GMIP: variants seen among roughly 807,000 people sequenced by gnomAD.
GMIP encodes the protein GEM interacting protein, also known as GEM-interacting protein.
GMIP carries 54 observed loss-of-function variants against 105.3 expected under a neutral mutation model. The ratio of observed to expected loss-of-function variants is 0.51; its 90% confidence interval spans 0.41 to 0.64. The LOEUF is 0.64. Ranked by LOEUF, GMIP falls within the 30% of genes least tolerant of loss-of-function variation. The probability of loss-of-function intolerance (pLI) is 0.00; values close to 1 mark genes in which losing one functional copy is unlikely to be tolerated. For synonymous variants in GMIP, 541 were observed against 560.8 expected (o/e 0.96, Z 0.50); for missense variants, 1,110 against 1,319.4 (o/e 0.84, Z 2.46).
rs781454004 is a variant in GMIP at position 19,633,909 on chromosome 19, G to A, written c.2366C>T (p.Pro789Leu). 13 of 1,532,246 alleles carry A rather than the reference G, an allele frequency of 8.5e-6. No homozygotes were observed. The South Asian group carries it at 9.9e-5, about 12-fold the overall frequency. 94.9% of individuals were successfully genotyped at this position (1,532,246 alleles called of 1,614,324 possible). A position where few individuals can be genotyped will look rare whatever the true frequency, so the allele number is the denominator to read the frequency against. Reference protein sequence around the residue: ...PLTTSSQPPPPHLDPDSQPPV... With the variant: ...PLTTSSQPPPLHLDPDSQPPV... ...GGGCTGGGAGTCTGGGTCAAGGTGC[G>A]GGGGTGGCGGTTGGGAGCTGGTTGT... is the stretch of plus-strand genomic sequence containing the variant. The change falls in exon 19 of 21, where the codon CCG becomes CTG. Residue 789 changes from proline (P) to leucine (L), a missense_variant. Physicochemically the swap from Pro to Leu is moderately conservative, Grantham distance 98 (BLOSUM62 -3). Around this residue, in one of 3 missense-constraint regions of GMIP, gnomAD observed 394 missense variants for 450.5 expected, o/e 0.87. Transcript: ENST00000203556.
Position 19,637,663 on chromosome 19 carries a change from T to A in GMIP, c.928-102A>T, listed in dbSNP as rs1599411161. On this transcript the variant is annotated intron_variant, in intron 10 of 20. Coordinates refer to ENST00000203556, the MANE Select transcript of GMIP (RefSeq NM_016573.4). This position sits in a 1 kb window ranked among gnomAD's most constrained non-coding sequence, Gnocchi z 6.7. ...TTGAGAGACGCGAACGTGGTCAGGGTTTGGGACGCACCTGGGCGGCTTAGG... is the reference window on the plus strand; with the variant it reads ...TTGAGAGACGCGAACGTGGTCAGGGATTGGGACGCACCTGGGCGGCTTAGG... 10 of 1,026,096 alleles carry A rather than the reference T, an allele frequency of 9.7e-6. No individual in the cohort carries two copies. The East Asian group carries it at 2.8e-4, about 29-fold the overall frequency. 63.6% of individuals were successfully genotyped at this position (1,026,096 alleles called of 1,614,324 possible).
chr19:19,638,445 C>T lies in GMIP; in HGVS notation c.575G>A (p.Arg192Gln), dbSNP rs923039074. 1.9e-6 allele frequency: 3 copies of T among 1,614,146 alleles called. No homozygotes were observed. Among genetic ancestry groups the T allele is most frequent in the Non-Finnish European group, 1.7e-6 (2 of 1,180,022 alleles). The change falls in exon 8 of 21, where the codon CGG (arginine) becomes CAG (glutamine). Residue 192 changes from arginine to glutamine, a missense_variant. Physicochemically the swap from Arg to Gln is conservative, Grantham distance 43. Around this residue, in one of 3 missense-constraint regions of GMIP, gnomAD observed 667 missense variants for 773.2 expected, o/e 0.86. Coordinates refer to ENST00000203556, the MANE Select transcript of GMIP (RefSeq NM_016573.4). ...CATCCACTGCTCCTTGAACTCCTTC[C>T]GCCACTTCTCAATCTCAGTCCGTTT... ...AAKRTEIEKW[R>Q]KEFKEQWMKE...
intron 2 of GMIP, among the ~76,000 whole-genome samples, chr19:19,642,305 G>T (rs2061931053): frequency 6.6e-6 from 1 of 152,060 alleles, no homozygotes; most frequent in East Asian, 1.9e-4. Flanking sequence ...ATTTTAAGGG[G>T]TTACAAGGAT....
At chr19:19,640,973 G>C (rs138924484) in intron 4 of GMIP, among the ~76,000 whole-genome samples, 11,241 of 151,612 alleles carry the variant, frequency 0.074, 482 homozygotes, top group Middle Eastern at 0.2. Flanking sequence ...CTCTATGTTG[G>C]TCAGGCTGGT....
Position 19,635,091 on chromosome 19 carries a change from C to T in GMIP, c.1683G>A (p.Pro561=), listed in dbSNP as rs546665082. The T allele has an allele frequency of 1.2e-4, 198 of 1,614,040 alleles. No individual in the cohort carries two copies. Among genetic ancestry groups the T allele is most frequent in the Non-Finnish European group, 1.6e-4 (183 of 1,180,002 alleles). The change falls in exon 16 of 21, where the codon CCG becomes CCA. Residue 561 remains proline (P), a synonymous_variant. Coordinates refer to ENST00000203556, the MANE Select transcript of GMIP (RefSeq NM_016573.4). The surrounding 1 kb of genome is among the most constrained non-coding windows in gnomAD (Gnocchi z 4.7). ...TCGTGACCACAAAGGGTACCTCCTC[C>T]GGGAAGTCCCTGGGTAGCTGCAGGA... ...VDFLQLPRDF[P]EEVPFVVTKC... is the part of the protein sequence containing the mutation.
chr19:19,641,077 G>A (rs1457467434), intron 4 of GMIP, among the ~76,000 whole-genome samples: 2 of 147,810 alleles, frequency 1.4e-5, no homozygotes, highest in Non-Finnish European at 3.0e-5. Context: ...TGTGTTTGAT[G>A]GGTTTTTTTA....
intron 4 of GMIP, 113 bp from the exon 5 acceptor site, chr19:19,640,684 A>C: frequency 9.8e-7 from 1 of 1,017,416 alleles, no homozygotes; most frequent in Non-Finnish European, 1.5e-6. Context: ...CAGCTCCCCA[A>C]ACACTACTTT....
intron 19 of GMIP, among the ~76,000 whole-genome samples, chr19:19,631,085 C>T (rs1183219789): frequency 6.6e-6 from 1 of 152,094 alleles, no homozygotes; most frequent in Non-Finnish European, 1.5e-5. Context: ...CCTGTAATCC[C>T]AGCTACTAGG....
Position 19,634,763 on chromosome 19 carries a change from G to A in GMIP, c.1887+29C>T, listed in dbSNP as rs1036735824. On this transcript the variant is annotated intron_variant, in intron 17 of 20. Coordinates refer to ENST00000203556, the MANE Select transcript of GMIP (RefSeq NM_016573.4). The surrounding 1 kb of genome is among the most constrained non-coding windows in gnomAD (Gnocchi z 6.1). ...GGTGGGCTGTGGAGGGCTCCTGCCC[G>A]CGTCCCCCTCAGTGTCCTGAGCACC... 4.3e-6 allele frequency: 7 copies of A among 1,611,878 alleles called. No homozygotes were observed. Among genetic ancestry groups the A allele is most frequent in the Non-Finnish European group, 1.7e-6 (2 of 1,178,642 alleles).
intron 19 of GMIP, among the ~76,000 whole-genome samples, chr19:19,632,435 G>A (rs1436181419): frequency 6.6e-6 from 1 of 152,072 alleles, no homozygotes; most frequent in Non-Finnish European, 1.5e-5. Context: ...CCTTGTCTCT[G>A]AGGCATTAGA....
Position 19,635,144 on chromosome 19 carries a change from C to A in GMIP, c.1630G>T (p.Ala544Ser). ...TCAACCCCAAAAAGGGGTGTCCGGG[C>A]TGGGAGCCGCCTGTGTCCACAGAGG... ...LILCGHRRLP[A>S]RTPLFGVDFL... Residue 544 changes from alanine (A) to serine (S), a missense_variant, in exon 16 of 21, where the codon GCC (alanine) becomes TCC (serine). By Grantham distance (99) the Ala-to-Ser change is moderately conservative. Coordinates refer to ENST00000203556, the MANE Select transcript of GMIP (RefSeq NM_016573.4). This position sits in a 1 kb window ranked among gnomAD's most constrained non-coding sequence, Gnocchi z 4.7. 6.2e-7 allele frequency: 1 copy of A among 1,613,918 alleles called. No individual in the cohort carries two copies. The highest frequency in any genetic ancestry group is 8.5e-7 in the Non-Finnish European group (1 of 1,179,886).
intron 1 of GMIP, 81 bp downstream of exon 1, chr19:19,643,430 G>A (rs978998698): frequency 1.2e-5 from 16 of 1,288,122 alleles, no homozygotes; most frequent in South Asian, 2.6e-5. Flanking sequence ...CTCTCAGGAC[G>A]GAGCGGGACA....
At chr19:19,638,355 TC>T in intron 8 of GMIP, 26 bp from the exon 9 acceptor site, 1 of 1,614,110 alleles carries the variant, frequency 6.2e-7, no homozygotes, top group Non-Finnish European at 8.5e-7. Context: ...AAGGTCAGCG[TC>T]CCGGCCTCTC....
At position 19,638,045 on chromosome 19, in the gene GMIP, C is replaced by T; in HGVS notation, c.802G>A (p.Glu268Lys). The T allele has an allele frequency of 1.9e-6, 3 of 1,571,512 alleles. No homozygotes were observed. The highest frequency in any genetic ancestry group is 2.6e-6 in the Non-Finnish European group (3 of 1,160,318). The stretch of plus-strand genomic sequence containing the variant: ...CGGACACAGGCCTGGTACAGCGCCT[C>T]GGCCTCCTGCGCCTGGGGAAACGGG... ...EEAQAKAQEA[E>K]ALYQACVREA... The change falls in exon 10 of 21, where the codon GAG (glutamate) becomes AAG (lysine). Residue 268 changes from glutamate (E) to lysine (K), a missense_variant. This residue lies in a region of GMIP where 667 missense variants were observed against 773.2 expected (regional missense o/e 0.86). Transcript: ENST00000203556.
Position 19,637,033 on chromosome 19 carries a change from A to G in GMIP, c.1125-4T>C. 1 of 1,544,070 alleles carries G rather than the reference A, an allele frequency of 6.5e-7. No individual in the cohort carries two copies. On this transcript the variant is annotated splice_region_variant and splice_polypyrimidine_tract_variant and intron_variant, in intron 11 of 20. Transcript: ENST00000203556. The surrounding 1 kb of genome is among the most constrained non-coding windows in gnomAD (Gnocchi z 6.7). ...CTTTCTGATGTCCAGAGGGGAGCTG[A>G]GAAGACAGAAGTTTGAAGGTTTGAA...
At chr19:19,632,542 A>G (rs1480891641) in intron 19 of GMIP, among the ~76,000 whole-genome samples, 1 of 152,206 alleles carries the variant, frequency 6.6e-6, no homozygotes, top group Admixed American at 6.5e-5. Flanking sequence ...CCAAAAAAAA[A>G]TAAAAGATTC....
Position 19,629,934 on chromosome 19 carries a change from C to T in GMIP, c.*29G>A, listed in dbSNP as rs912968900. 5 of 1,593,616 alleles carry T rather than the reference C, an allele frequency of 3.1e-6. No homozygotes were observed. The highest frequency in any genetic ancestry group is 1.7e-4 in the Middle Eastern group (1 of 5,748). ...TATGGGTCCGTCTTCACAATCTGGG[C>T]CTCTTCCTTATTTAAGGTGCCAGGG... On this transcript the variant is annotated 3_prime_UTR_variant, in exon 21 of 21. Transcript: ENST00000203556.
intron 13 of GMIP, 52 bp downstream of exon 13, chr19:19,636,655 C>T: frequency 7.5e-7 from 1 of 1,336,824 alleles, no homozygotes; most frequent in Non-Finnish European, 1.1e-6. Flanking sequence ...TGGCCAGGGG[C>T]TGGAGGATGG....
Position 19,637,265 on chromosome 19 carries a change from G to C in GMIP, c.1124+100C>G. On this transcript the variant is annotated intron_variant, in intron 11 of 20. Transcript: ENST00000203556. This position sits in a 1 kb window ranked among gnomAD's most constrained non-coding sequence, Gnocchi z 6.7. ...AGCCTGGAGTACTAAATTCCACTAA[G>C]GCTTTGCGTTCTCTAACCTCGAGTA... 1.2e-6 allele frequency: 1 copy of C among 867,382 alleles called. No individual in the cohort carries two copies. 53.7% of individuals were successfully genotyped at this position (867,382 alleles called of 1,614,324 possible).
Sources: allele counts gnomAD v4.1 joint callset (sites outside exome capture counted in the v4.1 genomes callset), GRCh38; gene constraint gnomAD v4.1.1; regional missense constraint gnomAD v4.1.1; non-coding constraint Gnocchi (gnomAD v3.1); transcripts MANE v1.5; gene names NCBI Gene and HGNC (gene_info 2026-07-23, HGNC 2026-07-21).